The following PTK2 variants were observed in gnomAD, a reference collection of about 807,000 sequenced individuals.
PTK2 encodes protein tyrosine kinase 2, also known as focal adhesion kinase 1.
Under a neutral mutation model 150.1 loss-of-function variants are expected in PTK2, and 45 were observed. The observed-to-expected ratio is 0.30, with a 90% CI of 0.24 to 0.38. PTK2 has a LOEUF of 0.38. Among genes scored for constraint, PTK2 ranks in the 10% least tolerant of loss-of-function variants. The pLI, the probability that PTK2 is intolerant of heterozygous loss-of-function variation, is 1.00. For missense variants in PTK2, 919 were observed against 1,307.3 expected (o/e 0.70, Z 4.58); for synonymous variants, 432 against 449.2 (o/e 0.96, Z 0.48).
At chr8:140,757,803 G>C (rs1015642863) in intron 16 of PTK2, among the ~76,000 whole-genome samples, 1 of 152,120 alleles carries the variant, frequency 6.6e-6, no homozygotes, top group Non-Finnish European at 1.5e-5. Flanking sequence ...GTCAATGATG[G>C]ACCACATATA....
At chr8:140,670,819 G>A (rs1296619202) in intron 29 of PTK2, among the ~76,000 whole-genome samples, 1 of 152,106 alleles carries the variant, frequency 6.6e-6, no homozygotes, top group Non-Finnish European at 1.5e-5. Context: ...TTGAGGAGGG[G>A]GCCACAGGGT....
chr8:140,803,136 T>A (rs1177747776), intron 11 of PTK2, among the ~76,000 whole-genome samples: 1 of 147,756 alleles, frequency 6.8e-6, no homozygotes, highest in Admixed American at 6.9e-5. Context: ...TGCCTCAGCC[T>A]CGCAAGTAGC....
intron 2 of PTK2, among the ~76,000 whole-genome samples, chr8:140,912,361 C>G (rs1248834048): frequency 6.6e-6 from 1 of 151,454 alleles, no homozygotes; most frequent in Non-Finnish European, 1.5e-5. Flanking sequence ...TACTTGAGTA[C>G]AGTGGCTCGT....
intron 21 of PTK2, among the ~76,000 whole-genome samples, chr8:140,737,051 TACA>T (rs1565364767): frequency 6.6e-6 from 1 of 152,244 alleles, no homozygotes; most frequent in East Asian, 1.9e-4. Flanking sequence ...CACCAGAAGT[TACA>T]ACAATATTAT....
At chr8:140,729,872 C>A (rs970751683) in intron 22 of PTK2, among the ~76,000 whole-genome samples, 4 of 152,146 alleles carry the variant, frequency 2.6e-5, no homozygotes, top group African/African-American at 9.7e-5. Flanking sequence ...CCTAACCACA[C>A]AGTTTCAGTC....
chr8:140,766,987 T>C (rs2100072668), intron 14 of PTK2, among the ~76,000 whole-genome samples: 1 of 152,198 alleles, frequency 6.6e-6, no homozygotes, highest in Non-Finnish European at 1.5e-5. Context: ...TTTTGCTTCT[T>C]CTGAGGGCTC....
intron 22 of PTK2, among the ~76,000 whole-genome samples, chr8:140,727,434 TA>T (rs1325946467): frequency 1.3e-5 from 2 of 149,882 alleles, no homozygotes; most frequent in African/African-American, 4.9e-5. Context: ...TACGTAGCTA[TA>T]ATTGTGAAAC....
At chr8:140,736,626 G>C (rs1286097771) in intron 21 of PTK2, among the ~76,000 whole-genome samples, 1 of 152,138 alleles carries the variant, frequency 6.6e-6, no homozygotes, top group Non-Finnish European at 1.5e-5. Context: ...GGAAAGAACT[G>C]GTGGCGTAAA....
chr8:140,941,261 A>C (rs1449272768), intron 1 of PTK2, among the ~76,000 whole-genome samples: 2 of 152,210 alleles, frequency 1.3e-5, no homozygotes, highest in African/African-American at 4.8e-5. Context: ...AAAGCAGAAC[A>C]ATCAGCAATC....
intron 12 of PTK2, among the ~76,000 whole-genome samples, chr8:140,794,507 A>T (rs2100090449): frequency 6.6e-6 from 1 of 151,662 alleles, no homozygotes; most frequent in South Asian, 2.1e-4. Flanking sequence ...CCACCCCCAT[A>T]CACGGAAAAT....
At chr8:140,676,646 C>T (rs991380980) in intron 27 of PTK2, among the ~76,000 whole-genome samples, 18 of 147,364 alleles carry the variant, frequency 1.2e-4, no homozygotes, top group South Asian at 8.7e-4. Flanking sequence ...TACTTAATGG[C>T]GCCAGGTGCA....
At chr8:140,985,959 G>A (rs1164423828) in intron 1 of PTK2, among the ~76,000 whole-genome samples, 1 of 152,190 alleles carries the variant, frequency 6.6e-6, no homozygotes, top group Non-Finnish European at 1.5e-5. Context: ...TCAATCATCT[G>A]TCTAGCTATA....
chr8:140,773,974 A>T (rs2154561505), intron 14 of PTK2, among the ~76,000 whole-genome samples: 1 of 152,100 alleles, frequency 6.6e-6, no homozygotes, highest in East Asian at 1.9e-4. Context: ...GACCTCACAT[A>T]CCTCAGGCTG....
chr8:140,829,418 CA>C (rs1358888062), intron 8 of PTK2, among the ~76,000 whole-genome samples: 1 of 152,094 alleles, frequency 6.6e-6, no homozygotes, highest in Non-Finnish European at 1.5e-5. Flanking sequence ...TAAATTATAC[CA>C]ACACTCCGGC....
At chr8:140,726,176 T>C (rs1016753848) in intron 22 of PTK2, among the ~76,000 whole-genome samples, 3 of 151,922 alleles carry the variant, frequency 2.0e-5, no homozygotes, top group South Asian at 2.1e-4. Flanking sequence ...GTAAAAATGA[T>C]TCAATCTGAA....
Position 140,669,722 on chromosome 8 carries a change from C to A in PTK2, c.2710-1298G>T, listed in dbSNP as rs1415501665. The A allele has an allele frequency of 6.5e-7, 1 of 1,533,874 alleles. No homozygotes were observed. Among genetic ancestry groups the A allele is most frequent in the Admixed American group, 2.0e-5 (1 of 50,946 alleles). On this transcript the variant is annotated intron_variant, in intron 29 of 31. Transcript: ENST00000522684. ...GACAGACACACAAAGACACGATGTG[C>A]TTACCCTCCATGGCTATTGTCGAAC...
chr8:140,964,601 AC>A (rs1176126166), intron 1 of PTK2, among the ~76,000 whole-genome samples: 8 of 120,452 alleles, frequency 6.6e-5, no homozygotes, highest in African/African-American at 2.7e-4. Context: ...TCACTATATT[AC>A]CCAGGCTGGT....
At chr8:140,938,122 T>C (rs1028954185) in intron 1 of PTK2, among the ~76,000 whole-genome samples, 3 of 152,142 alleles carry the variant, frequency 2.0e-5, no homozygotes, top group Non-Finnish European at 4.4e-5. Context: ...TCTCCCCTCA[T>C]GCAAAGAGAG....
intron 1 of PTK2, among the ~76,000 whole-genome samples, chr8:140,955,406 T>C (rs763932312): frequency 6.4e-4 from 98 of 152,334 alleles, no homozygotes; most frequent in African/African-American, 2.3e-3. Context: ...CTTCGCTTTC[T>C]GCCATGATTG....
Sources: gnomAD v4.1 joint callset for allele counts (sites outside exome capture counted in the v4.1 genomes callset) on GRCh38, gnomAD v4.1.1 for gene constraint, MANE v1.5 for transcripts, NCBI Gene and HGNC (gene_info 2026-07-23, HGNC 2026-07-21) for gene names.